The following CNTNAP2 variants were observed in gnomAD, a reference collection of about 807,000 sequenced individuals.
CNTNAP2 encodes contactin-associated protein-like 2.
CNTNAP2 carries 98 observed loss-of-function variants against 155.2 expected under a neutral mutation model. The observed-to-expected ratio is 0.63, with a 90% CI of 0.54 to 0.75. The LOEUF is 0.75. Ranked by LOEUF, CNTNAP2 falls within the 30% of genes least tolerant of loss-of-function variation. The probability of loss-of-function intolerance (pLI) is 0.00; values close to 1 mark genes in which losing one functional copy is unlikely to be tolerated. For missense variants in CNTNAP2, 1,727 were observed against 1,688.1 expected (o/e 1.02, Z -0.40); for synonymous variants, 651 against 631.2 (o/e 1.03, Z -0.47).
intron 2 of CNTNAP2, among the ~76,000 whole-genome samples, chr7:146,819,852 C>T (rs1803241926): frequency 6.6e-6 from 1 of 152,160 alleles, no homozygotes; most frequent in Admixed American, 6.6e-5. Context: ...CAGGAGCTCT[C>T]ACCCTGAAAT....
intron 23 of CNTNAP2, among the ~76,000 whole-genome samples, chr7:148,409,823 G>T (rs1351424594): frequency 3.5e-5 from 2 of 57,056 alleles, no homozygotes; most frequent in African/African-American, 8.6e-5. Flanking sequence ...AGGCCGAGGC[G>T]GGCGGATCAC....
chr7:147,973,334 AGATCTTT>A (rs1187887212), intron 14 of CNTNAP2, among the ~76,000 whole-genome samples: 1 of 152,030 alleles, frequency 6.6e-6, no homozygotes, highest in Non-Finnish European at 1.5e-5. Flanking sequence ...ATCCCTGTTT[AGATCTTT>A]GGTCAAAAGT....
At chr7:146,885,505 A>G (rs960029761) in intron 3 of CNTNAP2, among the ~76,000 whole-genome samples, 4 of 152,164 alleles carry the variant, frequency 2.6e-5, no homozygotes, top group African/African-American at 9.7e-5. Flanking sequence ...ACACGTTGGC[A>G]TTGTTTGAAT....
In CNTNAP2 at chr7:147,202,859, A is replaced by AAT. The variant is rs1204677191; in HGVS notation, c.1348+70364_1348+70365dup. On this transcript the variant is annotated intron_variant, in intron 8 of 23. Coordinates refer to ENST00000361727, the MANE Select transcript of CNTNAP2 (RefSeq NM_014141.6). ...AATACCTAAAGTATAATTAAAAAAAAATATATATATATATAGTCAATCTTT... is the reference window on the plus strand; with the variant it reads ...AATACCTAAAGTATAATTAAAAAAAAATATATATATATATATAGTCAATCTTT... Among the ~76,000 whole-genome samples the AAT allele has an allele frequency of 1.5e-3, 218 of 149,802 alleles. 2 individuals carry two copies. Among genetic ancestry groups the AAT allele is most frequent in the African/African-American group, 4.6e-3 (188 of 40,920 alleles).
intron 13 of CNTNAP2, among the ~76,000 whole-genome samples, chr7:147,759,403 G>A (rs2116516068): frequency 6.6e-6 from 1 of 152,266 alleles, no homozygotes; most frequent in Non-Finnish European, 1.5e-5. Flanking sequence ...AATGCTCTTT[G>A]CAATGAGTAC....
At chr7:146,905,580 C>A (rs1264177984) in intron 3 of CNTNAP2, among the ~76,000 whole-genome samples, 1 of 152,096 alleles carries the variant, frequency 6.6e-6, no homozygotes, top group Non-Finnish European at 1.5e-5. Flanking sequence ...TCCACAGAGA[C>A]TAGCTTTCCC....
chr7:147,634,582 C>T (rs907584800), intron 12 of CNTNAP2, among the ~76,000 whole-genome samples: 6 of 151,600 alleles, frequency 4.0e-5, no homozygotes, highest in Non-Finnish European at 7.4e-5. Context: ...CCTGTACCCC[C>T]CAAAATACTG....
At chr7:147,833,733 CA>C (rs1798590978) in intron 13 of CNTNAP2, among the ~76,000 whole-genome samples, 1 of 152,188 alleles carries the variant, frequency 6.6e-6, no homozygotes, top group Non-Finnish European at 1.5e-5. Flanking sequence ...CTCTGCCATC[CA>C]AATCTCCCAC....
intron 13 of CNTNAP2, among the ~76,000 whole-genome samples, chr7:147,770,671 C>G (rs546712882): frequency 6.6e-6 from 1 of 152,020 alleles, no homozygotes; most frequent in South Asian, 2.1e-4. Context: ...TGTTAGTTCT[C>G]TAGGGGAAAA....
intron 13 of CNTNAP2, among the ~76,000 whole-genome samples, chr7:147,713,272 A>G (rs528227894): frequency 2.6e-5 from 4 of 152,258 alleles, no homozygotes; most frequent in African/African-American, 9.6e-5. Context: ...CACTACAATT[A>G]AGGGATAGAA....
chr7:146,354,470 A>G (rs1358031854), intron 1 of CNTNAP2, among the ~76,000 whole-genome samples: 2 of 144,130 alleles, frequency 1.4e-5, no homozygotes, highest in East Asian at 4.0e-4. Flanking sequence ...CCTGGAGTGC[A>G]GTGGTGCAAT....
chr7:147,406,439 A>G (rs1212757879), intron 10 of CNTNAP2, among the ~76,000 whole-genome samples: 1 of 152,214 alleles, frequency 6.6e-6, no homozygotes, highest in Non-Finnish European at 1.5e-5. Flanking sequence ...ACAGTTTTAA[A>G]AAGATGAAGT....
intron 3 of CNTNAP2, among the ~76,000 whole-genome samples, chr7:146,919,017 T>G (rs1796447779): frequency 6.6e-6 from 1 of 152,222 alleles, no homozygotes; most frequent in African/African-American, 2.4e-5. Flanking sequence ...AGTGTGTCCT[T>G]CATTTCCAGA....
At chr7:146,158,036 C>A (rs1414770029) in intron 1 of CNTNAP2, among the ~76,000 whole-genome samples, 1 of 152,212 alleles carries the variant, frequency 6.6e-6, no homozygotes, top group African/African-American at 2.4e-5. Flanking sequence ...TGAGTCGAAA[C>A]TTCCAGAGGA....
chr7:147,772,665 C>T (rs1006236251), intron 13 of CNTNAP2, among the ~76,000 whole-genome samples: 1 of 151,572 alleles, frequency 6.6e-6, no homozygotes, highest in African/African-American at 2.4e-5. Flanking sequence ...ACACCATTGC[C>T]TTCTTTCTTC....
chr7:146,230,363 T>C (rs775825079), intron 1 of CNTNAP2, among the ~76,000 whole-genome samples: 1 of 152,228 alleles, frequency 6.6e-6, no homozygotes, highest in Admixed American at 6.5e-5. Context: ...CTTCCTTCAC[T>C]GAAGAGAAAC....
intron 1 of CNTNAP2, among the ~76,000 whole-genome samples, chr7:146,407,060 G>C (rs1242200694): frequency 3.3e-5 from 5 of 152,234 alleles, no homozygotes; most frequent in South Asian, 2.1e-4. Flanking sequence ...ATAGTGCCTT[G>C]GGTACTTGAC....
chr7:146,274,140 G>A (rs766258919), intron 1 of CNTNAP2, among the ~76,000 whole-genome samples: 1 of 152,058 alleles, frequency 6.6e-6, no homozygotes, highest in Non-Finnish European at 1.5e-5. Context: ...ATTTCTAAAG[G>A]CCCATTAAAA....
At chr7:146,916,429 A>G (rs1303805625) in intron 3 of CNTNAP2, among the ~76,000 whole-genome samples, 1 of 152,128 alleles carries the variant, frequency 6.6e-6, no homozygotes, top group East Asian at 1.9e-4. Flanking sequence ...GTCTGATTGA[A>G]TTCAACTGTT....
Sources: allele counts gnomAD v4.1 joint callset (sites outside exome capture counted in the v4.1 genomes callset), GRCh38; gene constraint gnomAD v4.1.1; transcripts MANE v1.5; gene names NCBI Gene and HGNC (gene_info 2026-07-23, HGNC 2026-07-21).